The following NDUFAF7 variants were observed in gnomAD, a reference collection of about 807,000 sequenced individuals.
The protein encoded by NDUFAF7 is protein arginine methyltransferase NDUFAF7, mitochondrial.
A neutral mutation model predicts 47.2 loss-of-function variants in NDUFAF7; 48 were observed. The ratio of observed to expected loss-of-function variants is 1.02; its 90% CI spans 0.81 to 1.29. The LOEUF (loss-of-function observed/expected upper bound fraction) is 1.29, where lower values mean the gene tolerates loss of function less well. Among genes scored for constraint, NDUFAF7 ranks in the 50% most tolerant of loss-of-function variants. The pLI is 0.00. For synonymous variants in NDUFAF7, 217 were observed against 190.0 expected (o/e 1.14, Z -1.17); for missense variants, 635 against 537.6 (o/e 1.18, Z -1.79).
downstream of NDUFAF7, chr2:37,250,768 A>ATTT: frequency 6.6e-6 from 1 of 151,018 alleles, no homozygotes; most frequent in Admixed American, 6.6e-5. Context: ...AAAGTTGGAT[A>ATTT]TAACCAAAAA....
downstream of NDUFAF7, among the ~76,000 whole-genome samples, chr2:37,255,011 A>T (rs1281730832): frequency 6.6e-6 from 1 of 152,208 alleles, no homozygotes; most frequent in Non-Finnish European, 1.5e-5. Flanking sequence ...AATATTGGTA[A>T]CAAAAGGCTA....
At chr2:37,232,032 A>T (rs1665198110) in intron 1 of NDUFAF7, 74 bp from the exon 2 acceptor site, 41 of 1,612,246 alleles carry the variant, frequency 2.5e-5, no homozygotes, top group Non-Finnish European at 3.2e-5. Flanking sequence ...AGCTGTTTTG[A>T]AAACGCTCAG....
Position 37,233,486 on chromosome 2 carries a change from G to A in NDUFAF7, c.216+1220G>A, listed in dbSNP as rs780030693. On this transcript the variant is annotated intron_variant, in intron 2 of 9. Transcript: ENST00000002125. ...CTATTAAAAATACAAAAATTAGCCG[G>A]GCGTGGTGGCTTGTGCCTGTAATCC... 2.0e-5 allele frequency among the ~76,000 whole-genome samples: 3 copies of A among 152,100 alleles called. No homozygotes were observed. The South Asian group carries it at 6.2e-4, about 32-fold the overall frequency.
At chr2:37,259,640 C>T in the NDUFAF7 span, 1 of 1,613,380 alleles carries the variant, frequency 6.2e-7, no homozygotes, top group African/African-American at 1.3e-5. Context: ...AATCACAGTG[C>T]ACAATATTCT....
At chr2:37,232,760 T>A (rs1665305792) in intron 2 of NDUFAF7, among the ~76,000 whole-genome samples, 1 of 152,218 alleles carries the variant, frequency 6.6e-6, no homozygotes, top group Non-Finnish European at 1.5e-5. Flanking sequence ...TTTTCTCACA[T>A]GTGCAGTTGA....
chr2:37,264,918 C>T, the NDUFAF7 span, among the ~76,000 whole-genome samples: 23 of 152,212 alleles, frequency 1.5e-4, no homozygotes, highest in Non-Finnish European at 2.9e-4. Context: ...TTGGATACTC[C>T]GGGATAAACT....
In NDUFAF7 at chr2:37,236,196, A is replaced by G. The variant is rs1371830614; in HGVS notation, c.297+20A>G. ...GGGGAGGTAATATACTATGTAAAGTATGAATGAAGCTAATATAAACATTTG... is the reference window on the plus strand; with the variant it reads ...GGGGAGGTAATATACTATGTAAAGTGTGAATGAAGCTAATATAAACATTTG... On this transcript the variant is annotated intron_variant, in intron 3 of 9. Coordinates refer to ENST00000002125, the MANE Select transcript of NDUFAF7 (RefSeq NM_144736.5). 8 of 1,534,078 alleles carry G rather than the reference A, an allele frequency of 5.2e-6. No individual in the cohort carries two copies. The South Asian group carries it at 7.8e-5, about 15-fold the overall frequency.
intron 7 of NDUFAF7, among the ~76,000 whole-genome samples, 187 bp from the exon 8 acceptor site, chr2:37,245,865 A>G (rs1465360939): frequency 6.6e-6 from 1 of 152,242 alleles, no homozygotes; most frequent in Non-Finnish European, 1.5e-5. Context: ...ATAGCATCAA[A>G]GAACTAAGGA....
chr2:37,249,226 CA>C (rs1667258984), downstream of NDUFAF7: 2 of 152,228 alleles, frequency 1.3e-5, no homozygotes, highest in South Asian at 2.1e-4. Context: ...AATGAATGCA[CA>C]ATTTTCCCAA....
At chr2:37,243,438 C>T (rs1182650130) in intron 6 of NDUFAF7, among the ~76,000 whole-genome samples, 4 of 151,930 alleles carry the variant, frequency 2.6e-5, no homozygotes, top group Admixed American at 2.0e-4. Context: ...GGCAACAAAG[C>T]GAGAGCTTGT....
chr2:37,239,667 G>A (rs921143764), intron 4 of NDUFAF7, among the ~76,000 whole-genome samples: 5 of 152,202 alleles, frequency 3.3e-5, no homozygotes, highest in African/African-American at 7.2e-5. Context: ...ACGAAGTACT[G>A]CAAGAATGCG....
downstream of NDUFAF7, among the ~76,000 whole-genome samples, chr2:37,249,568 C>CACAT (rs1167616662): frequency 0.019 from 1,041 of 55,970 alleles, 26 homozygotes; most frequent in East Asian, 0.37. Context: ...GACACACACA[C>CACAT]ACACACACAC....
intron 2 of NDUFAF7, 94 bp downstream of exon 2, chr2:37,232,360 A>T: frequency 6.6e-7 from 1 of 1,520,606 alleles, no homozygotes; most frequent in South Asian, 1.1e-5. Flanking sequence ...CAGCCCAGGC[A>T]GTGGGGGTGC....
downstream of NDUFAF7, among the ~76,000 whole-genome samples, chr2:37,254,560 G>C (rs1348774693): frequency 1.3e-5 from 2 of 152,074 alleles, no homozygotes; most frequent in African/African-American, 4.8e-5. Context: ...CTGAAGTCTG[G>C]TTCTGCCACC....
chr2:37,236,793 A>AAT (rs1491268708), intron 3 of NDUFAF7, among the ~76,000 whole-genome samples: 1 of 151,354 alleles, frequency 6.6e-6, no homozygotes, highest in East Asian at 2.0e-4. Context: ...AAAAAAAAAA[A>AAT]GAGAATGGAA....
chr2:37,260,072 T>A, the NDUFAF7 span: 1 of 689,552 alleles, frequency 1.5e-6, no homozygotes, highest in Non-Finnish European at 2.4e-6. Flanking sequence ...GGCTGAGGCA[T>A]GAGAATCACT....
At chr2:37,259,265 A>C in the NDUFAF7 span, among the ~76,000 whole-genome samples, 1 of 152,156 alleles carries the variant, frequency 6.6e-6, no homozygotes, top group South Asian at 2.1e-4. Flanking sequence ...CATTTGTTTT[A>C]TTTATGAGGT....
At chr2:37,242,389 C>A in intron 5 of NDUFAF7, 1 of 345,664 alleles carries the variant, frequency 2.9e-6, no homozygotes, top group South Asian at 3.6e-5. Flanking sequence ...TTCTTTCAAG[C>A]CTTGTGATGA....
At chr2:37,237,925 T>G in intron 4 of NDUFAF7, 58 bp downstream of exon 4, 1 of 1,182,162 alleles carries the variant, frequency 8.5e-7, no homozygotes, top group Admixed American at 1.8e-5. Context: ...TACTTCTGAG[T>G]GTGCAAACCA....
Sources: gnomAD v4.1 joint callset for allele counts (sites outside exome capture counted in the v4.1 genomes callset) on GRCh38, gnomAD v4.1.1 for gene constraint, MANE v1.5 for transcripts, NCBI Gene and HGNC (gene_info 2026-07-23, HGNC 2026-07-21) for gene names.